COL23A1: variants seen among roughly 807,000 people sequenced by gnomAD.
COL23A1 encodes collagen type XXIII alpha 1 chain.
COL23A1 carries 97 observed loss-of-function variants against 99.3 expected under a neutral mutation model. The ratio of observed to expected loss-of-function variants is 0.98; its 90% confidence interval spans 0.83 to 1.16. The LOEUF is 1.16. Among genes scored for constraint, COL23A1 ranks in the 50% most tolerant of loss-of-function variants. The pLI is 0.00. For missense variants in COL23A1, 762 were observed against 757.4 expected (o/e 1.01, Z -0.07); for synonymous variants, 320 against 308.2 (o/e 1.04, Z -0.40).
chr5:178,534,547 A>C (rs1473331027), intron 2 of COL23A1, among the ~76,000 whole-genome samples: 1 of 152,162 alleles, frequency 6.6e-6, no homozygotes, highest in Non-Finnish European at 1.5e-5. Context: ...TTGGGAGGCC[A>C]AGGCGGGCAG....
chr5:178,239,457 C>A (rs1172897812), intron 27 of COL23A1, among the ~76,000 whole-genome samples: 1 of 152,190 alleles, frequency 6.6e-6, no homozygotes, highest in African/African-American at 2.4e-5. Context: ...CAGGAGGGCA[C>A]TAGGAAGGGA....
chr5:178,354,826 G>C (rs1207932685), intron 2 of COL23A1, among the ~76,000 whole-genome samples: 1 of 152,108 alleles, frequency 6.6e-6, no homozygotes, highest in African/African-American at 2.4e-5. Context: ...GGAGGCCGAG[G>C]CAGATGGATT....
chr5:178,388,322 G>A (rs532062165), intron 2 of COL23A1, among the ~76,000 whole-genome samples: 2 of 152,350 alleles, frequency 1.3e-5, no homozygotes, highest in South Asian at 2.1e-4. Context: ...ATGGGGATGA[G>A]TTGGATTTAA....
chr5:178,590,115 G>A lies in COL23A1; in HGVS notation c.83C>T (p.Ala28Val). The change falls in exon 1 of 29, where the codon GCG becomes GTG. Residue 28 changes from alanine (A) to valine (V), a missense_variant. By Grantham distance (64) the Ala-to-Val change is moderately conservative. Coordinates refer to ENST00000390654, the MANE Select transcript of COL23A1 (RefSeq NM_173465.4). The surrounding 1 kb of genome is among the most constrained non-coding windows in gnomAD (Gnocchi z 5.7). ...CACCGCCCGGGACCCGGCCGTCGTC[G>A]CCGAGCGCCCTCCGCCGCCGCCGCC... ...AAGGGGGGRS[A>V]TTAGSRAVSA... 1 of 1,248,768 alleles carries A rather than the reference G, an allele frequency of 8.0e-7. No individual in the cohort carries two copies. Among genetic ancestry groups the A allele is most frequent in the Non-Finnish European group, 1.0e-6 (1 of 998,694 alleles). The allele number at this position is 1,248,768 out of a possible 1,614,324, so 77.4% of individuals were successfully genotyped here. A position where few individuals can be genotyped will look rare whatever the true frequency, so the allele number is the denominator to read the frequency against.
chr5:178,474,843 A>C (rs955109081), intron 2 of COL23A1, among the ~76,000 whole-genome samples: 2 of 152,234 alleles, frequency 1.3e-5, no homozygotes, highest in African/African-American at 2.4e-5. Context: ...GCACTGTATT[A>C]GTTTTCTGGC....
Position 178,307,613 on chromosome 5 carries a change from A to C in COL23A1, c.362-694T>G, listed in dbSNP as rs1273328990. On this transcript the variant is annotated intron_variant, in intron 2 of 28. Coordinates refer to ENST00000390654, the MANE Select transcript of COL23A1 (RefSeq NM_173465.4). The surrounding 1 kb of genome is among the most constrained non-coding windows in gnomAD (Gnocchi z 4.2). ...GGCCCTCTGCCCACATCAGACCCTG[A>C]GACCAGAGTAACCTCAGCGCTGAAG... is the stretch of plus-strand genomic sequence containing the variant. Among the ~76,000 whole-genome samples, 1 of 152,206 alleles carries C rather than the reference A, an allele frequency of 6.6e-6. No individual in the cohort carries two copies. The highest frequency in any genetic ancestry group is 1.5e-5 in the Non-Finnish European group (1 of 68,042).
intron 2 of COL23A1, among the ~76,000 whole-genome samples, chr5:178,311,346 T>C (rs1159684510): frequency 6.6e-6 from 1 of 152,120 alleles, no homozygotes; most frequent in African/African-American, 2.4e-5. Context: ...TGCGGAATCA[T>C]GAACCAGATG....
In COL23A1 at chr5:178,358,427, ATGTGTATG is replaced by A. The variant is rs1223556109; in HGVS notation, c.362-51516_362-51509del. 2.4e-3 allele frequency among the ~76,000 whole-genome samples: 281 copies of A among 118,046 alleles called. 1 individual carries two copies. Among genetic ancestry groups the A allele is most frequent in the African/African-American group, 7.7e-3 (248 of 32,106 alleles). 77.4% of individuals were successfully genotyped at this position (118,046 alleles called of 152,430 possible). ...TATGTGTGTATGTGTATGTGTGTGT[ATGTGTATG>A]TGTGTATGTGTGTATATGTATGCGT... On this transcript the variant is annotated intron_variant, in intron 2 of 28. Transcript: ENST00000390654.
chr5:178,354,038 G>A (rs530705567), intron 2 of COL23A1, among the ~76,000 whole-genome samples: 10 of 152,220 alleles, frequency 6.6e-5, no homozygotes, highest in East Asian at 1.9e-4. Context: ...CACCCTGCCC[G>A]GGAGGCAGGG....
intron 4 of COL23A1, among the ~76,000 whole-genome samples, chr5:178,289,494 T>C (rs1445117809): frequency 1.3e-5 from 2 of 152,172 alleles, no homozygotes; most frequent in Non-Finnish European, 2.9e-5. Flanking sequence ...CAGTGACATT[T>C]TCCTCCTGCT....
intron 2 of COL23A1, among the ~76,000 whole-genome samples, chr5:178,487,950 G>T (rs1188820447): frequency 6.6e-6 from 1 of 152,216 alleles, no homozygotes. Context: ...TGGGGGTTAA[G>T]AACAAATAAG....
At chr5:178,369,744 G>GC (rs147443405) in intron 2 of COL23A1, among the ~76,000 whole-genome samples, 14,625 of 134,288 alleles carry the variant, frequency 0.11, 797 homozygotes, top group South Asian at 0.2. Flanking sequence ...ATGATTGTAA[G>GC]GCCCCCCCAG....
At chr5:178,524,221 G>A (rs1197514982) in intron 2 of COL23A1, among the ~76,000 whole-genome samples, 1 of 152,172 alleles carries the variant, frequency 6.6e-6, no homozygotes, top group African/African-American at 2.4e-5. Context: ...TTCCCCATCT[G>A]TCAGCTCTGT....
At chr5:178,498,448 C>A (rs1758352312) in intron 2 of COL23A1, among the ~76,000 whole-genome samples, 2 of 149,998 alleles carry the variant, frequency 1.3e-5, no homozygotes, top group Admixed American at 6.6e-5. Context: ...GTAAAACTAA[C>A]AATTAGGCTT....
At chr5:178,457,655 C>A (rs139756133) in intron 2 of COL23A1, among the ~76,000 whole-genome samples, 3 of 152,010 alleles carry the variant, frequency 2.0e-5, no homozygotes, top group Non-Finnish European at 4.4e-5. Flanking sequence ...CAAACAAAAC[C>A]AAAAGCCACT....
At chr5:178,521,842 TGGG>T (rs1354489273) in intron 2 of COL23A1, among the ~76,000 whole-genome samples, 2 of 152,176 alleles carry the variant, frequency 1.3e-5, no homozygotes, top group Non-Finnish European at 2.9e-5. Flanking sequence ...TACCAGTGGC[TGGG>T]GTCAGGGGTA....
intron 2 of COL23A1, among the ~76,000 whole-genome samples, chr5:178,345,765 T>C (rs1266657434): frequency 6.6e-6 from 1 of 152,030 alleles, no homozygotes; most frequent in Non-Finnish European, 1.5e-5. Flanking sequence ...GACCTCATGA[T>C]CTGTCTGCCT....
chr5:178,502,830 G>A (rs1383947974), intron 2 of COL23A1, among the ~76,000 whole-genome samples: 1 of 152,186 alleles, frequency 6.6e-6, no homozygotes, highest in Non-Finnish European at 1.5e-5. Flanking sequence ...ACTGTTTACT[G>A]TAACAAAAAA....
At chr5:178,357,865 ATATG>A (rs1761785537) in intron 2 of COL23A1, among the ~76,000 whole-genome samples, 2 of 141,526 alleles carry the variant, frequency 1.4e-5, no homozygotes, top group South Asian at 2.3e-4. Flanking sequence ...ATGTGTATGT[ATATG>A]TGTGTGCATG....
Sources: gnomAD v4.1 joint callset for allele counts (sites outside exome capture counted in the v4.1 genomes callset) on GRCh38, gnomAD v4.1.1 for gene constraint, Gnocchi (gnomAD v3.1) non-coding constraint, MANE v1.5 for transcripts, NCBI Gene and HGNC (gene_info 2026-07-23, HGNC 2026-07-21) for gene names.